Variants in ITPR2 observed in about 807,000 individuals in gnomAD.
ITPR2 encodes inositol 1,4,5-trisphosphate-gated calcium channel ITPR2.
ITPR2 carries 207 observed loss-of-function variants against 317.1 expected under a neutral mutation model. That is an observed-to-expected ratio of 0.65 (90% CI 0.58 to 0.73). ITPR2 has a LOEUF of 0.73. Ranked by LOEUF, ITPR2 falls within the 30% of genes least tolerant of loss-of-function variation. The pLI is 0.00. For synonymous variants in ITPR2, 1,156 were observed against 1,149.1 expected (o/e 1.01, Z -0.12); for missense variants, 2,613 against 3,284.0 (o/e 0.80, Z 4.99).
chr12:26,653,161 C>A (rs1365398598), intron 21 of ITPR2, among the ~76,000 whole-genome samples: 1 of 152,074 alleles, frequency 6.6e-6, no homozygotes, highest in Non-Finnish European at 1.5e-5. Context: ...TTATCCACTT[C>A]ACTCCACAGG....
intron 2 of ITPR2, among the ~76,000 whole-genome samples, chr12:26,742,595 G>A (rs548570976): frequency 6.7e-4 from 102 of 152,092 alleles, no homozygotes; most frequent in African/African-American, 2.2e-3. Context: ...CAGATGGATC[G>A]CCTGAGGTCA....
At chr12:26,684,545 A>G (rs1312606156) in intron 11 of ITPR2, among the ~76,000 whole-genome samples, 3 of 152,230 alleles carry the variant, frequency 2.0e-5, no homozygotes, top group Non-Finnish European at 2.9e-5. Context: ...AAGTGCTTCA[A>G]GAGTTATATT....
At chr12:26,659,048 T>C (rs1345770603) in intron 16 of ITPR2, 65 bp downstream of exon 16, 1 of 1,342,876 alleles carries the variant, frequency 7.4e-7, no homozygotes, top group Admixed American at 2.1e-5. Flanking sequence ...TTTTAAAAGT[T>C]CTAAAAATAA....
intron 52 of ITPR2, among the ~76,000 whole-genome samples, chr12:26,407,497 G>GGGGT (rs1197968896): frequency 6.6e-6 from 1 of 152,116 alleles, no homozygotes; most frequent in Non-Finnish European, 1.5e-5. Flanking sequence ...GGTTGGGGTA[G>GGGGT]GGGTGGGGAC....
chr12:26,339,552 C>G, intron 56 of ITPR2, 69 bp from the exon 57 acceptor site: 2 of 1,178,952 alleles, frequency 1.7e-6, no homozygotes, highest in Non-Finnish European at 2.5e-6. Context: ...TGGGCCACAA[C>G]CGTTTTGAGT....
chr12:26,796,734 A>G (rs1235312788), intron 1 of ITPR2, among the ~76,000 whole-genome samples: 1 of 152,232 alleles, frequency 6.6e-6, no homozygotes, highest in Non-Finnish European at 1.5e-5. Flanking sequence ...ACATGGATAA[A>G]GAAGTTATGA....
chr12:26,706,102 T>G (rs117639323), intron 9 of ITPR2, among the ~76,000 whole-genome samples: 2 of 152,200 alleles, frequency 1.3e-5, no homozygotes, highest in African/African-American at 2.4e-5. Context: ...TCCAGAGCAG[T>G]GCTGCCCACC....
chr12:26,358,557 T>A (rs986275983), intron 55 of ITPR2, among the ~76,000 whole-genome samples: 1 of 152,178 alleles, frequency 6.6e-6, no homozygotes, highest in Admixed American at 6.5e-5. Context: ...AAATCCATCA[T>A]CCCGGCTGTG....
chr12:26,622,144 C>T, intron 25 of ITPR2, 96 bp downstream of exon 25: 3 of 1,062,960 alleles, frequency 2.8e-6, no homozygotes, highest in South Asian at 2.2e-5. Flanking sequence ...AAAAGCCACA[C>T]AGTGTCATTA....
At chr12:26,796,184 C>T (rs17482258) in intron 1 of ITPR2, among the ~76,000 whole-genome samples, 10,626 of 152,214 alleles carry the variant, frequency 0.07, 521 homozygotes, top group Non-Finnish European at 0.11. Context: ...ATACTAATGG[C>T]ATCCCTTAAC....
rs199730958 is a variant in ITPR2, at chr12:26,665,949, C to G, written c.1512G>C (p.Glu504Asp). 6.2e-7 allele frequency: 1 copy of G among 1,613,756 alleles called. No individual in the cohort carries two copies. The highest frequency in any genetic ancestry group is 2.2e-5 in the East Asian group (1 of 44,856). Residue 504 changes from glutamate (E) to aspartate (D), a missense_variant, in exon 14 of 57, where the codon GAG becomes GAC. Around this residue, in one of 9 missense-constraint regions of ITPR2, gnomAD observed 515 missense variants for 789.4 expected, o/e 0.65. Coordinates refer to ENST00000381340, the MANE Select transcript of ITPR2 (RefSeq NM_002223.4). ...LDVVITKPNR[E>D]RQKLMREQNI... ...TTTGTTCCCTCATCAATTTTTGACG[C>G]TCTCGGTTTGGCTTAGTGATAACCA...
At chr12:26,828,498 G>A (rs544830407) in intron 1 of ITPR2, among the ~76,000 whole-genome samples, 6 of 152,168 alleles carry the variant, frequency 3.9e-5, no homozygotes, top group South Asian at 2.1e-4. Flanking sequence ...CAAGCATGAC[G>A]GACCATTAAA....
chr12:26,400,551 C>A (rs555951717), intron 52 of ITPR2: 1 of 159,392 alleles, frequency 6.3e-6, no homozygotes, highest in African/African-American at 2.4e-5. Flanking sequence ...CGTGACACAA[C>A]TTTTGGAAGT....
intron 2 of ITPR2, among the ~76,000 whole-genome samples, chr12:26,771,413 G>A (rs758617876): frequency 9.2e-5 from 14 of 152,220 alleles, no homozygotes; most frequent in African/African-American, 1.4e-4. Flanking sequence ...AGATGGTCCC[G>A]GACCACTCAC....
chr12:26,509,536 C>T (rs1235951682), intron 37 of ITPR2, among the ~76,000 whole-genome samples: 3 of 106,774 alleles, frequency 2.8e-5, no homozygotes, highest in African/African-American at 9.2e-5. Flanking sequence ...AGCAGCTGAG[C>T]TGCTATTTCA....
intron 26 of ITPR2, among the ~76,000 whole-genome samples, chr12:26,608,195 T>C (rs1418071795): frequency 1.3e-5 from 2 of 152,230 alleles, no homozygotes; most frequent in Non-Finnish European, 2.9e-5. Context: ...TATTTGATAA[T>C]GTTTAACCTG....
At chr12:26,748,220 G>A (rs56019720) in intron 2 of ITPR2, among the ~76,000 whole-genome samples, 5,852 of 151,920 alleles carry the variant, frequency 0.039, 216 homozygotes, top group African/African-American at 0.098. Flanking sequence ...CACCACACTC[G>A]ACTAACTTTT....
At chr12:26,756,763 G>A (rs527339220) in intron 2 of ITPR2, among the ~76,000 whole-genome samples, 2 of 152,138 alleles carry the variant, frequency 1.3e-5, no homozygotes, top group Admixed American at 6.5e-5. Context: ...AGGATTAAAG[G>A]TTCTCTTATA....
chr12:26,478,823 A>G (rs999601060), intron 43 of ITPR2, among the ~76,000 whole-genome samples: 9 of 151,960 alleles, frequency 5.9e-5, no homozygotes, highest in African/African-American at 2.2e-4. Flanking sequence ...GCAAATGAAA[A>G]TAAAAAGTAA....
Sources: gnomAD v4.1 joint callset for allele counts (sites outside exome capture counted in the v4.1 genomes callset) on GRCh38, gnomAD v4.1.1 for gene constraint, gnomAD v4.1.1 regional missense constraint, MANE v1.5 for transcripts, NCBI Gene and HGNC (gene_info 2026-07-23, HGNC 2026-07-21) for gene names.